Variants in NYAP2 observed in about 807,000 individuals in gnomAD.
NYAP2 encodes the protein neuronal tyrosine-phosphorylated phosphoinositide-3-kinase adaptor 2, also known as neuronal tyrosine-phosphorylated phosphoinositide-3-kinase adapter 2.
In NYAP2, 23 loss-of-function variants were observed where a neutral mutation model predicts 50.4. The observed-to-expected ratio is 0.46, with a 90% CI of 0.33 to 0.65. NYAP2 has a LOEUF of 0.65. NYAP2 is among the 30% of genes least tolerant of loss of function. The pLI is 0.02. For synonymous variants in NYAP2, 394 were observed against 365.2 expected (o/e 1.08, Z -0.90); for missense variants, 885 against 861.0 (o/e 1.03, Z -0.35).
intron 4 of NYAP2, among the ~76,000 whole-genome samples, chr2:225,547,851 G>A (rs928744321): frequency 2.0e-5 from 3 of 152,100 alleles, no homozygotes; most frequent in Admixed American, 6.5e-5. Context: ...TGTTGTTCCC[G>A]TGGGGTTGGG....
chr2:225,547,020 G>T (rs1691596692), intron 4 of NYAP2, among the ~76,000 whole-genome samples: 1 of 152,142 alleles, frequency 6.6e-6, no homozygotes, highest in South Asian at 2.1e-4. Context: ...TCACAACTTT[G>T]CCTGGTGCCC....
chr2:225,603,928 T>A (rs1305133091), intron 5 of NYAP2, among the ~76,000 whole-genome samples: 1 of 152,174 alleles, frequency 6.6e-6, no homozygotes, highest in East Asian at 1.9e-4. Flanking sequence ...CTTCATTTTT[T>A]TACTTTGATT....
At chr2:225,505,462 A>G (rs1227537937) in intron 3 of NYAP2, among the ~76,000 whole-genome samples, 1 of 152,198 alleles carries the variant, frequency 6.6e-6, no homozygotes, top group Non-Finnish European at 1.5e-5. Context: ...ACTGAAGCCA[A>G]GTTTTCATAT....
At chr2:225,446,271 T>C (rs1224149744) in intron 3 of NYAP2, among the ~76,000 whole-genome samples, 4 of 140,958 alleles carry the variant, frequency 2.8e-5, no homozygotes, top group Non-Finnish European at 6.1e-5. Context: ...TATATATATA[T>C]ATATATATAT....
intron 5 of NYAP2, among the ~76,000 whole-genome samples, chr2:225,589,533 A>ATATATATATATATATATATATATATG (rs1692456148): frequency 1.5e-5 from 2 of 137,698 alleles, no homozygotes; most frequent in African/African-American, 2.7e-5. Context: ...ATATATATAT[A>ATATATATATATATATATATATATATG]TATATATATT....
chr2:225,695,435 A>G, the NYAP2 span, among the ~76,000 whole-genome samples: 5 of 152,014 alleles, frequency 3.3e-5, no homozygotes, highest in African/African-American at 1.2e-4. Flanking sequence ...TATAGAACCC[A>G]TAGTATTTTA....
chr2:225,421,704 C>T (rs924630599), intron 3 of NYAP2, among the ~76,000 whole-genome samples: 2 of 152,222 alleles, frequency 1.3e-5, no homozygotes, highest in African/African-American at 2.4e-5. Flanking sequence ...AGTATTCTCT[C>T]CGGCCTAGTG....
chr2:225,412,731 GTGGAGAAGA>G (rs1229013190), intron 3 of NYAP2, among the ~76,000 whole-genome samples: 1 of 152,154 alleles, frequency 6.6e-6, no homozygotes, highest in Non-Finnish European at 1.5e-5. Context: ...AAGCTGCCAA[GTGGAGAAGA>G]GCTGGAGGCT....
At chr2:225,463,753 T>C (rs537550696) in intron 3 of NYAP2, among the ~76,000 whole-genome samples, 1 of 152,352 alleles carries the variant, frequency 6.6e-6, no homozygotes, top group African/African-American at 2.4e-5. Context: ...TTAGGAGACT[T>C]AGTAAGCACT....
chr2:225,462,928 G>A (rs1277837083), intron 3 of NYAP2, among the ~76,000 whole-genome samples: 1 of 152,144 alleles, frequency 6.6e-6, no homozygotes. Context: ...GTGATTATCT[G>A]GTGTCTATGT....
At chr2:225,488,147 A>G (rs1690336631) in intron 3 of NYAP2, among the ~76,000 whole-genome samples, 1 of 152,216 alleles carries the variant, frequency 6.6e-6, no homozygotes, top group African/African-American at 2.4e-5. Context: ...ACTGCTTAGA[A>G]AAAGGAATGA....
chr2:225,555,949 G>A (rs1266079965), intron 4 of NYAP2, among the ~76,000 whole-genome samples: 1 of 152,070 alleles, frequency 6.6e-6, no homozygotes, highest in East Asian at 1.9e-4. Flanking sequence ...TACCCCATCA[G>A]TTCTTACCCT....
At chr2:225,627,079 G>T in exon 6 of NYAP2, 1 of 1,597,070 alleles carries the variant, frequency 6.3e-7, no homozygotes, top group East Asian at 2.3e-5. Flanking sequence ...AGTCGACTAG[G>T]AAGATGCTCT....
In NYAP2 at chr2:225,426,956, G is replaced by A. The variant is rs566530256; in HGVS notation, c.221+17855G>A. Reference sequence around the variant, plus strand: ...CAAACAGGAAAAGTGAGTTACCTGTGGTCATATAGCAAGTCATTGCTAAAT... The same window carrying A: ...CAAACAGGAAAAGTGAGTTACCTGTAGTCATATAGCAAGTCATTGCTAAAT... On this transcript the variant is annotated intron_variant, in intron 3 of 6. Coordinates refer to ENST00000636099, the Ensembl canonical transcript of NYAP2. Among the ~76,000 whole-genome samples, 9 of 152,214 alleles carry A rather than the reference G, an allele frequency of 5.9e-5. No homozygotes were observed. The East Asian group carries it at 1.7e-3, about 29-fold the overall frequency.
chr2:225,605,888 A>G (rs1338664241), intron 5 of NYAP2, among the ~76,000 whole-genome samples: 2 of 152,160 alleles, frequency 1.3e-5, no homozygotes, highest in Non-Finnish European at 2.9e-5. Flanking sequence ...TGGAATCACA[A>G]GATCTAGCCA....
At chr2:225,518,618 T>TTATA (rs1263137157) in intron 4 of NYAP2, among the ~76,000 whole-genome samples, 13 of 133,700 alleles carry the variant, frequency 9.7e-5, no homozygotes, top group African/African-American at 3.3e-4. Context: ...GCTTGTGAGC[T>TTATA]TATATATATA....
intron 2 of NYAP2, among the ~76,000 whole-genome samples, chr2:225,401,565 G>A (rs916058320): frequency 2.0e-5 from 3 of 151,936 alleles, no homozygotes; most frequent in African/African-American, 7.2e-5. Context: ...AAACCTCTTT[G>A]AGAAACATTT....
At chr2:225,509,430 G>C (rs1379224402) in intron 3 of NYAP2, among the ~76,000 whole-genome samples, 1 of 152,172 alleles carries the variant, frequency 6.6e-6, no homozygotes, top group African/African-American at 2.4e-5. Flanking sequence ...TTGTTTTAGA[G>C]CTAGGGTCTT....
At chr2:225,527,388 A>C (rs1691171350) in intron 4 of NYAP2, among the ~76,000 whole-genome samples, 1 of 152,226 alleles carries the variant, frequency 6.6e-6, no homozygotes, top group Non-Finnish European at 1.5e-5. Flanking sequence ...GAGTCAGCTC[A>C]GGATTTTCCA....
Sources: gnomAD v4.1 joint callset for allele counts (sites outside exome capture counted in the v4.1 genomes callset) on GRCh38, gnomAD v4.1.1 for gene constraint, MANE v1.5 for transcripts, NCBI Gene and HGNC (gene_info 2026-07-23, HGNC 2026-07-21) for gene names.